Variants in KCNJ3 observed in about 807,000 individuals in gnomAD.
KCNJ3 encodes the protein potassium inwardly rectifying channel subfamily J member 3.
Under a neutral mutation model 39.2 loss-of-function variants are expected in KCNJ3, and 4 were observed. That is an observed-to-expected ratio of 0.10 (90% CI 0.05 to 0.23). The LOEUF (loss-of-function observed/expected upper bound fraction) is 0.23, where lower values mean the gene tolerates loss of function less well. Among genes scored for constraint, KCNJ3 ranks in the 10% least tolerant of loss-of-function variants. KCNJ3 has a pLI of 1.00. For missense variants in KCNJ3, 276 were observed against 634.9 expected (o/e 0.43, Z 6.08); for synonymous variants, 230 against 237.4 (o/e 0.97, Z 0.29).
chr2:154,818,918 C>CTTTTTTTTTTTT lies in KCNJ3; in HGVS notation c.920-35788_920-35777dup, dbSNP rs57668487. 4.2e-4 allele frequency among the ~76,000 whole-genome samples: 22 copies of CTTTTTTTTTTTT among 52,436 alleles called. 2 individuals carry two copies. The highest frequency in any genetic ancestry group is 8.2e-4 in the East Asian group (1 of 1,218). The allele number at this position is 52,436 out of a possible 152,430, so 34.4% of individuals were successfully genotyped here. On this transcript the variant is annotated intron_variant, in intron 2 of 2. Coordinates refer to ENST00000295101, the MANE Select transcript of KCNJ3 (RefSeq NM_002239.4). ...GAGCTTGAGCTGTAGCTGCAAAAGC[C>CTTTTTTTTTTTT]TTTTTTTTTTTTTTTTTTTTTTTTT... is the stretch of plus-strand genomic sequence containing the variant.
At chr2:154,724,315 A>G (rs1685313471) in intron 2 of KCNJ3, among the ~76,000 whole-genome samples, 1 of 152,108 alleles carries the variant, frequency 6.6e-6, no homozygotes, top group South Asian at 2.1e-4. Flanking sequence ...ATCGAGGACC[A>G]TTAAAATATA....
intron 2 of KCNJ3, among the ~76,000 whole-genome samples, chr2:154,825,716 A>G (rs1687260054): frequency 1.3e-5 from 2 of 151,958 alleles, no homozygotes; most frequent in African/African-American, 4.8e-5. Flanking sequence ...ACCGGGGACC[A>G]CAGGCATGCG....
chr2:154,727,794 G>T (rs559267992), intron 2 of KCNJ3, among the ~76,000 whole-genome samples: 23 of 151,714 alleles, frequency 1.5e-4, no homozygotes, highest in African/African-American at 5.6e-4. Flanking sequence ...TAATACCTGC[G>T]AGGTCAGCTG....
At chr2:154,721,342 A>G (rs1284521550) in intron 2 of KCNJ3, among the ~76,000 whole-genome samples, 1 of 152,066 alleles carries the variant, frequency 6.6e-6, no homozygotes, top group Non-Finnish European at 1.5e-5. Context: ...GTTATTGCAT[A>G]TTGTTGGAAT....
At chr2:154,849,134 C>G (rs1305701960) in intron 2 of KCNJ3, among the ~76,000 whole-genome samples, 1 of 152,130 alleles carries the variant, frequency 6.6e-6, no homozygotes, top group Non-Finnish European at 1.5e-5. Flanking sequence ...ATGCTACTAT[C>G]TTGTATCCCT....
At chr2:154,775,762 C>A (rs1686321710) in intron 2 of KCNJ3, among the ~76,000 whole-genome samples, 1 of 151,928 alleles carries the variant, frequency 6.6e-6, no homozygotes. Flanking sequence ...CATTTGGGTA[C>A]AAGTAATTGC....
At chr2:154,805,912 A>G (rs530064887) in intron 2 of KCNJ3, among the ~76,000 whole-genome samples, 3 of 152,320 alleles carry the variant, frequency 2.0e-5, no homozygotes, top group South Asian at 2.1e-4. Flanking sequence ...TAATGTTTCA[A>G]TGTTCTACAT....
At chr2:154,830,981 A>G (rs779260944) in intron 2 of KCNJ3, among the ~76,000 whole-genome samples, 41 of 152,290 alleles carry the variant, frequency 2.7e-4, no homozygotes, top group Middle Eastern at 3.4e-3. Flanking sequence ...CACCTTCTAA[A>G]TCCAATTAGT....
intron 2 of KCNJ3, among the ~76,000 whole-genome samples, chr2:154,739,205 T>G (rs990266661): frequency 1.3e-5 from 2 of 152,016 alleles, no homozygotes; most frequent in Non-Finnish European, 2.9e-5. Flanking sequence ...TACTATTTCC[T>G]ATGCAAAAAG....
chr2:154,823,836 G>A (rs1687223214), intron 2 of KCNJ3, among the ~76,000 whole-genome samples: 2 of 152,018 alleles, frequency 1.3e-5, no homozygotes, highest in South Asian at 4.1e-4. Context: ...CATGGAGTCA[G>A]GGGGTTTGTG....
rs114362498 is a variant in KCNJ3, at chr2:154,750,579, A to G, written c.919+40760A>G. ...TTTTATTGCTATCAGGCTAGCATAA[A>G]CAAATAGAAAAATACATAAGCAACA... On this transcript the variant is annotated intron_variant, in intron 2 of 2. Transcript: ENST00000295101. Among the ~76,000 whole-genome samples the G allele has an allele frequency of 3.0e-3, 460 of 152,152 alleles. 8 individuals are homozygous for G. The highest frequency in any genetic ancestry group is 0.011 in the African/African-American group (441 of 41,562).
At chr2:154,790,091 T>C (rs1686601373) in intron 2 of KCNJ3, among the ~76,000 whole-genome samples, 1 of 152,114 alleles carries the variant, frequency 6.6e-6, no homozygotes, top group Non-Finnish European at 1.5e-5. Context: ...TTGGGGGGCA[T>C]GATCTTACTT....
At chr2:154,707,465 T>C (rs1685033158) in intron 1 of KCNJ3, among the ~76,000 whole-genome samples, 1 of 152,120 alleles carries the variant, frequency 6.6e-6, no homozygotes, top group African/African-American at 2.4e-5. Context: ...CTTATATCCA[T>C]GGGTTATTAA....
At chr2:154,792,439 C>T (rs527395380) in intron 2 of KCNJ3, among the ~76,000 whole-genome samples, 18 of 152,158 alleles carry the variant, frequency 1.2e-4, no homozygotes, top group Non-Finnish European at 2.5e-4. Context: ...GCTGATTCTT[C>T]TGCTTCTGTG....
chr2:154,758,623 C>G (rs186557843), intron 2 of KCNJ3, among the ~76,000 whole-genome samples: 9 of 152,164 alleles, frequency 5.9e-5, no homozygotes, highest in African/African-American at 1.9e-4. Context: ...ATTTTCAATC[C>G]CTAGTTGGTT....
chr2:154,743,958 ATAT>A (rs993464453), intron 2 of KCNJ3, among the ~76,000 whole-genome samples: 2 of 151,576 alleles, frequency 1.3e-5, no homozygotes, highest in Non-Finnish European at 3.0e-5. Context: ...ATTAAATATA[ATAT>A]TACATATGGT....
intron 2 of KCNJ3, among the ~76,000 whole-genome samples, chr2:154,710,081 G>A (rs1685076413): frequency 6.6e-6 from 1 of 152,090 alleles, no homozygotes; most frequent in African/African-American, 2.4e-5. Flanking sequence ...AAATGATTAT[G>A]ATGTTCTATT....
chr2:154,854,900 C>T lies in KCNJ3; in HGVS notation c.1093C>T (p.Leu365Phe), dbSNP rs1574488093. 6.2e-7 allele frequency: 1 copy of T among 1,613,966 alleles called. No homozygotes were observed. Among genetic ancestry groups the T allele is most frequent in the Middle Eastern group, 1.6e-4 (1 of 6,062 alleles). ...CAGTGTGAAAGAGCAGGAGGAAATG[C>T]TTCTCATGTCGTCCCCTTTAATAGC... is the stretch of plus-strand genomic sequence containing the variant. ...PYSVKEQEEMLLMSSPLIAPA... is the reference protein window; with the variant it reads ...PYSVKEQEEMFLMSSPLIAPA... The change falls in exon 3 of 3, where the codon CTT becomes TTT. Residue 365 changes from leucine (L) to phenylalanine (F), a missense_variant. By Grantham distance (22) the Leu-to-Phe change is conservative. Around this residue, in one of 4 missense-constraint regions of KCNJ3, gnomAD observed 126 missense variants for 179.8 expected, o/e 0.70. Transcript: ENST00000295101.
intron 2 of KCNJ3, among the ~76,000 whole-genome samples, chr2:154,783,165 G>A (rs1686469264): frequency 6.6e-6 from 1 of 151,788 alleles, no homozygotes; most frequent in African/African-American, 2.4e-5. Context: ...CGACAAAAGT[G>A]AAACTCCATC....
Sources: allele counts gnomAD v4.1 joint callset (sites outside exome capture counted in the v4.1 genomes callset), GRCh38; gene constraint gnomAD v4.1.1; regional missense constraint gnomAD v4.1.1; transcripts MANE v1.5; gene names NCBI Gene and HGNC (gene_info 2026-07-23, HGNC 2026-07-21).